Variants in EVI2A observed in about 807,000 individuals in gnomAD.
EVI2A encodes the protein protein EVI2A.
EVI2A carries 11 observed loss-of-function variants against 13.0 expected under a neutral mutation model. The observed-to-expected ratio is 0.85, with a 90% CI of 0.53 to 1.40. EVI2A has a LOEUF of 1.40. Among genes scored for constraint, EVI2A ranks in the 40% most tolerant of loss-of-function variants. EVI2A has a pLI of 0.00. For synonymous variants in EVI2A, 89 were observed against 98.0 expected (o/e 0.91, Z 0.54); for missense variants, 267 against 279.5 (o/e 0.96, Z 0.32).
At chr17:31,320,903 C>T (rs1185846496) in intron 1 of EVI2A, 3 of 159,300 alleles carry the variant, frequency 1.9e-5, no homozygotes, top group Non-Finnish European at 4.2e-5. Context: ...CACATTAGTT[C>T]ATTAACAGTG....
In EVI2A at chr17:31,318,356, C is replaced by G; in HGVS notation, c.658G>C (p.Glu220Gln). The change falls in exon 2 of 2, where the codon GAA becomes CAA. Residue 220 changes from glutamate to glutamine, a missense_variant. Transcript: ENST00000462804. ...QSTGVLTATR[E>Q]RKDEEGTEKL... ...TCAGTTCCTTCTTCATCTTTTCTTT[C>G]CCTTGTAGCTGTGAGCACTCCAGTA... The G allele has an allele frequency of 6.2e-7, 1 of 1,612,644 alleles. No individual in the cohort carries two copies.
In EVI2A at chr17:31,318,138, A is replaced by C; in HGVS notation, c.*165T>G. On this transcript the variant is annotated 3_prime_UTR_variant, in exon 2 of 2. Coordinates refer to ENST00000462804, the MANE Select transcript of EVI2A (RefSeq NM_014210.4). ...GTCAAAACAAAAGTACACAGTTTAA[A>C]TAATTAAGCAGGCATACTTCTCCCT... 1.3e-6 allele frequency: 1 copy of C among 775,920 alleles called. No individual in the cohort carries two copies. The highest frequency in any genetic ancestry group is 2.0e-6 in the Non-Finnish European group (1 of 504,786). The allele number at this position is 775,920 out of a possible 1,614,324, so 48.1% of individuals were successfully genotyped here.
At position 31,316,579 on chromosome 17, in the gene EVI2A, C is replaced by T. The variant is rs1277578667; in HGVS notation, c.*1724G>A. ...TTTATGACCCTTGATTCAAGGAGTG[C>T]TTTGTGTTACTCCTGGATGTACTGG... On this transcript the variant is annotated 3_prime_UTR_variant, in exon 2 of 2. Coordinates refer to ENST00000462804, the MANE Select transcript of EVI2A (RefSeq NM_014210.4). Among the ~76,000 whole-genome samples the T allele has an allele frequency of 6.6e-6, 1 of 152,086 alleles. No homozygotes were observed. The highest frequency in any genetic ancestry group is 1.9e-4 in the East Asian group (1 of 5,202).
rs2069032566 is a variant in EVI2A at position 31,316,845 on chromosome 17, A to C, written c.*1458T>G. On this transcript the variant is annotated 3_prime_UTR_variant, in exon 2 of 2. Coordinates refer to ENST00000462804, the MANE Select transcript of EVI2A (RefSeq NM_014210.4). ...ACAAATTGCTAATAAATTGATAATA[A>C]AAATGATGCTTTATTTTTTTCCTCT... Among the ~76,000 whole-genome samples the C allele has an allele frequency of 6.6e-6, 1 of 152,220 alleles. No individual in the cohort carries two copies.
Position 31,318,355 on chromosome 17 carries a change from TC to T in EVI2A, c.658del (p.Glu220LysfsTer16), listed in dbSNP as rs780716720. On this transcript the variant is annotated frameshift_variant, in exon 2 of 2. Coordinates refer to ENST00000462804, the MANE Select transcript of EVI2A (RefSeq NM_014210.4). LOFTEE classifies it high-confidence loss of function. ...QSTGVLTATRERKDEEGTEKL... is the reference protein window; with the variant it reads ...QSTGVLTATRXRKDEEGTEKL... Reference sequence around the variant, plus strand: ...TTCAGTTCCTTCTTCATCTTTTCTTTCCCTTGTAGCTGTGAGCACTCCAGTA... The same window carrying T: ...TTCAGTTCCTTCTTCATCTTTTCTTTCCTTGTAGCTGTGAGCACTCCAGTA... The T allele has an allele frequency of 2.5e-6, 4 of 1,611,956 alleles. No homozygotes were observed. Among genetic ancestry groups the T allele is most frequent in the Non-Finnish European group, 2.5e-6 (3 of 1,179,502 alleles).
chr17:31,320,232 A>T, intron 1 of EVI2A: 1 of 617,760 alleles, frequency 1.6e-6, no homozygotes, highest in Non-Finnish European at 2.5e-6. Context: ...TGAATGAACT[A>T]AAAGCAAAAC....
Position 31,318,864 on chromosome 17 carries a change from C to CTTG in EVI2A, c.147_149dup (p.Asn49dup). On this transcript the variant is annotated inframe_insertion, in exon 2 of 2. Transcript: ENST00000462804. ...TGTTTTCATTTTGGTTTCTGCCTGT[C>CTTG]TTGTTTTGAATAACTGAATCCCAGG... The CTTG allele has an allele frequency of 6.2e-7, 1 of 1,613,992 alleles. No homozygotes were observed. The highest frequency in any genetic ancestry group is 1.1e-5 in the South Asian group (1 of 91,080).
rs2069060908 is a variant in EVI2A, at chr17:31,317,702, G to A, written c.*601C>T. 6.6e-6 allele frequency: 1 copy of A among 152,104 alleles called. No homozygotes were observed. The highest frequency in any genetic ancestry group is 6.6e-5 in the Admixed American group (1 of 15,260). 9.4% of individuals were successfully genotyped at this position (152,104 alleles called of 1,614,324 possible). A position where few individuals can be genotyped will look rare whatever the true frequency, so the allele number is the denominator to read the frequency against. On this transcript the variant is annotated 3_prime_UTR_variant, in exon 2 of 2. Transcript: ENST00000462804. ...CTGAGTTTTAATTTATTATACAAAA[G>A]TAAAGGTTTTAATTTAATATTAATA...
chr17:31,319,999 CT>C (rs2069138389), intron 1 of EVI2A, among the ~76,000 whole-genome samples: 1 of 152,054 alleles, frequency 6.6e-6, no homozygotes, highest in Non-Finnish European at 1.5e-5. Flanking sequence ...TGGCCCTGAG[CT>C]TGCTGGAAAC....
intron 1 of EVI2A, chr17:31,320,931 T>C (rs2069169900): frequency 6.5e-6 from 1 of 153,088 alleles, no homozygotes; most frequent in South Asian, 2.0e-4. Context: ...CATCATAGTA[T>C]TGGTACACAT....
rs778460678 is a variant in EVI2A at position 31,318,716 on chromosome 17, C to T, written c.298G>A (p.Val100Ile). Residue 100 changes from valine to isoleucine, a missense_variant, in exon 2 of 2, where the codon GTC becomes ATC. Val to Ile is a conservative substitution (Grantham distance 29, BLOSUM62 3). Coordinates refer to ENST00000462804, the MANE Select transcript of EVI2A (RefSeq NM_014210.4). ...SEQELYIPSVVSNSPSTVQSI... is the reference protein window; with the variant it reads ...SEQELYIPSVISNSPSTVQSI... ...TGTACTGTTGAAGGACTGTTGCTGA[C>T]GACAGAAGGTATATAAAGCTCCTGT... 3.1e-5 allele frequency: 50 copies of T among 1,613,854 alleles called. No homozygotes were observed. Among genetic ancestry groups the T allele is most frequent in the East Asian group, 4.5e-5 (2 of 44,886 alleles).
At chr17:31,320,872 T>C (rs1329655539) in intron 1 of EVI2A, 1 of 165,042 alleles carries the variant, frequency 6.1e-6, no homozygotes, top group Non-Finnish European at 1.3e-5. Context: ...GCTAGAATGA[T>C]TTAAAGTAGA....
chr17:31,319,493 A>C (rs903386538), intron 1 of EVI2A, among the ~76,000 whole-genome samples: 1 of 152,074 alleles, frequency 6.6e-6, no homozygotes, highest in Non-Finnish European at 1.5e-5. Flanking sequence ...AATAAATGCA[A>C]ATTTTTTTGG....
At position 31,317,599 on chromosome 17, in the gene EVI2A, T is replaced by C. The variant is rs2069057740; in HGVS notation, c.*704A>G. The C allele has an allele frequency of 6.6e-6, 1 of 152,218 alleles. No homozygotes were observed. The highest frequency in any genetic ancestry group is 1.5e-5 in the Non-Finnish European group (1 of 68,034). The allele number at this position is 152,218 out of a possible 1,614,324, so 9.4% of individuals were successfully genotyped here. A position where few individuals can be genotyped will look rare whatever the true frequency, so the allele number is the denominator to read the frequency against. ...TAAATCTTATTTATTTTAGTTGTGC[T>C]CTATTTCTTATTGATCTTTACAATG... is the stretch of plus-strand genomic sequence containing the variant. On this transcript the variant is annotated 3_prime_UTR_variant, in exon 2 of 2. Transcript: ENST00000462804.
rs1597820388 is a variant in EVI2A, at chr17:31,319,018, G to A, written c.-5C>T. 6.3e-7 allele frequency: 1 copy of A among 1,588,942 alleles called. No individual in the cohort carries two copies. The highest frequency in any genetic ancestry group is 8.5e-7 in the Non-Finnish European group (1 of 1,171,994). On this transcript the variant is annotated 5_prime_UTR_variant, in exon 2 of 2. Transcript: ENST00000462804. ...GTGTTCCATGTCCGTGGGCATGCTT[G>A]GCAATCTGTTGGGATAGCAATATAA...
At position 31,318,323 on chromosome 17, in the gene EVI2A, T is replaced by C; in HGVS notation, c.691A>G (p.Thr231Ala). The C allele has an allele frequency of 6.2e-7, 1 of 1,609,230 alleles. No homozygotes were observed. Among genetic ancestry groups the C allele is most frequent in the Non-Finnish European group, 8.5e-7 (1 of 1,178,648 alleles). ...CTTCACTAACCTATCTGTTTGTTAG[T>C]AAGTTTTTCAGTTCCTTCTTCATCT... ...RKDEEGTEKL[T>A]NKQIG The change falls in exon 2 of 2, where the codon ACT becomes GCT. Residue 231 changes from threonine (T) to alanine (A), a missense_variant. By Grantham distance (58) the Thr-to-Ala change is moderately conservative (BLOSUM62 0). Coordinates refer to ENST00000462804, the MANE Select transcript of EVI2A (RefSeq NM_014210.4).
intron 1 of EVI2A, chr17:31,320,626 G>C: frequency 4.3e-6 from 2 of 464,986 alleles, no homozygotes; most frequent in Middle Eastern, 4.9e-4. Context: ...TTAATAGTAG[G>C]GAGGAAAAAC....
In EVI2A at chr17:31,318,177, G is replaced by T; in HGVS notation, c.*126C>A. Reference sequence around the variant, plus strand: ...ATACTTCTCCCTGTCTCACCTGCTTGATTCTAAATTGCAAGGTCTACCATG... The same window carrying T: ...ATACTTCTCCCTGTCTCACCTGCTTTATTCTAAATTGCAAGGTCTACCATG... On this transcript the variant is annotated 3_prime_UTR_variant, in exon 2 of 2. Coordinates refer to ENST00000462804, the MANE Select transcript of EVI2A (RefSeq NM_014210.4). 8.2e-7 allele frequency: 1 copy of T among 1,213,674 alleles called. No individual in the cohort carries two copies. The highest frequency in any genetic ancestry group is 1.1e-6 in the Non-Finnish European group (1 of 878,530). The allele number at this position is 1,213,674 out of a possible 1,614,324, so 75.2% of individuals were successfully genotyped here.
At chr17:31,320,668 T>C (rs932323197) in intron 1 of EVI2A, among the ~76,000 whole-genome samples, 1 of 152,226 alleles carries the variant, frequency 6.6e-6, no homozygotes, top group African/African-American at 2.4e-5. Context: ...GATTACTTTT[T>C]AGATTATGAC....
Sources: allele counts gnomAD v4.1 joint callset (sites outside exome capture counted in the v4.1 genomes callset), GRCh38; gene constraint gnomAD v4.1.1; transcripts MANE v1.5; gene names NCBI Gene and HGNC (gene_info 2026-07-23, HGNC 2026-07-21).